Variants in ATG7 observed in about 807,000 individuals in gnomAD.
ATG7 encodes ubiquitin-like modifier-activating enzyme ATG7.
Under a neutral mutation model 82.4 loss-of-function variants are expected in ATG7, and 70 were observed. That is an observed-to-expected ratio of 0.85 (90% CI 0.70 to 1.04). ATG7 has a LOEUF of 1.04. Among genes scored for constraint, ATG7 ranks in the 50% least tolerant of loss-of-function variants. The pLI is 0.00. For synonymous variants in ATG7, 287 were observed against 313.0 expected (o/e 0.92, Z 0.88); for missense variants, 792 against 864.3 (o/e 0.92, Z 1.05).
At chr3:11,493,712 C>T (rs529581809) in intron 20 of ATG7, among the ~76,000 whole-genome samples, 21 of 152,028 alleles carry the variant, frequency 1.4e-4, no homozygotes, top group Non-Finnish European at 2.6e-4. Context: ...TACTTAGATA[C>T]AAAAAACAAA....
chr3:11,298,781 A>AGT lies in ATG7; in HGVS notation c.87_88dup (p.Leu30CysfsTer2), dbSNP rs1234365911. ...GCCTTGGATGTTGGGTTTTGGCATG[A>AGT]GTTGACCCAGAAGAAGCTGAACGAG... On this transcript the variant is annotated frameshift_variant, in exon 4 of 21. Transcript: ENST00000693202. LOFTEE classifies it high-confidence loss of function. 2.5e-6 allele frequency: 4 copies of AGT among 1,614,052 alleles called. No homozygotes were observed. Among genetic ancestry groups the AGT allele is most frequent in the Non-Finnish European group, 2.5e-6 (3 of 1,180,032 alleles).
rs574907850 is a variant in ATG7, at chr3:11,411,255, G to C, written c.1957-15549G>C. 3.3e-5 allele frequency among the ~76,000 whole-genome samples: 5 copies of C among 152,212 alleles called. No homozygotes were observed. In the East Asian group the frequency reaches 9.6e-4, roughly 29 times the overall value. Reference sequence around the variant, plus strand: ...TTTGTATATCTTTAGAGAAATGTCTGTTCACATCATCTGCCCATTTTTAAA... The same window carrying C: ...TTTGTATATCTTTAGAGAAATGTCTCTTCACATCATCTGCCCATTTTTAAA... On this transcript the variant is annotated intron_variant, in intron 19 of 20. Coordinates refer to ENST00000693202, the MANE Select transcript of ATG7 (RefSeq NM_001349232.2).
At chr3:11,537,593 A>C (rs1575238879) in intron 20 of ATG7, among the ~76,000 whole-genome samples, 3 of 152,316 alleles carry the variant, frequency 2.0e-5, no homozygotes, top group Middle Eastern at 6.8e-3. Flanking sequence ...GGTCACAATG[A>C]GAGTGATTAT....
At chr3:11,365,196 G>A (rs541638769) in intron 18 of ATG7, among the ~76,000 whole-genome samples, 3 of 152,318 alleles carry the variant, frequency 2.0e-5, no homozygotes, top group African/African-American at 7.2e-5. Flanking sequence ...CTCAGCAACA[G>A]TGTATATCAT....
chr3:11,471,656 T>A (rs1019468905), intron 20 of ATG7, among the ~76,000 whole-genome samples: 1 of 150,282 alleles, frequency 6.7e-6, no homozygotes, highest in African/African-American at 2.4e-5. Context: ...GAAATGCAGG[T>A]GGCTCCCCAG....
chr3:11,404,614 G>A (rs1271400851), intron 19 of ATG7, among the ~76,000 whole-genome samples: 1 of 152,006 alleles, frequency 6.6e-6, no homozygotes, highest in African/African-American at 2.4e-5. Flanking sequence ...CCTGTGCCAT[G>A]TTGTATTAGT....
chr3:11,426,652 A>G (rs931927640), intron 19 of ATG7, 152 bp from the exon 20 acceptor site: 1 of 573,758 alleles, frequency 1.7e-6, no homozygotes, highest in African/African-American at 1.9e-5. Flanking sequence ...ACTAAGCCGT[A>G]CTAGTTTTTT....
the ATG7 span, among the ~76,000 whole-genome samples, chr3:11,576,089 C>T: frequency 3.9e-5 from 6 of 152,320 alleles, no homozygotes; most frequent in African/African-American, 1.2e-4. Context: ...GTTTGAGAAA[C>T]AGGTCATGGC....
chr3:11,276,583 C>G (rs763748451), intron 1 of ATG7, among the ~76,000 whole-genome samples: 3 of 152,212 alleles, frequency 2.0e-5, no homozygotes, highest in Non-Finnish European at 4.4e-5. Flanking sequence ...CCACCACTCC[C>G]CAAAGTCATC....
intron 14 of ATG7, among the ~76,000 whole-genome samples, chr3:11,358,155 G>T (rs1278487892): frequency 2.0e-5 from 3 of 152,152 alleles, no homozygotes; most frequent in African/African-American, 7.2e-5. Context: ...GGTAGGATGT[G>T]CCCCCTCCAC....
chr3:11,503,281 C>A (rs1268133036), intron 20 of ATG7, among the ~76,000 whole-genome samples: 2 of 151,870 alleles, frequency 1.3e-5, no homozygotes, highest in African/African-American at 4.8e-5. Flanking sequence ...AGATGTCTAA[C>A]TCAAAAAAGA....
At chr3:11,477,698 G>A (rs2088417554) in intron 20 of ATG7, among the ~76,000 whole-genome samples, 1 of 152,158 alleles carries the variant, frequency 6.6e-6, no homozygotes, top group Admixed American at 6.5e-5. Context: ...TTTTGCTTAT[G>A]TAGTTGGAAT....
rs900531466 is a variant in ATG7 at position 11,280,598 on chromosome 3, G to A, written c.-365-396G>A. 3.9e-5 allele frequency among the ~76,000 whole-genome samples: 6 copies of A among 152,082 alleles called. No homozygotes were observed. The East Asian group carries it at 9.6e-4, about 24-fold the overall frequency. On this transcript the variant is annotated intron_variant, in intron 1 of 20. Coordinates refer to ENST00000693202, the MANE Select transcript of ATG7 (RefSeq NM_001349232.2). ...TGAAATTTCAAATCTTGTTAAAATA[G>A]GCCTGCCATTCCAGATGGTTGGAAT...
intron 7 of ATG7, among the ~76,000 whole-genome samples, chr3:11,309,784 A>G (rs772505590): frequency 7.9e-5 from 12 of 152,198 alleles, no homozygotes; most frequent in Non-Finnish European, 1.6e-4. Flanking sequence ...ACTAATTTAT[A>G]TCCTTTATTA....
intron 18 of ATG7, among the ~76,000 whole-genome samples, chr3:11,366,951 G>A (rs1417990435): frequency 2.0e-5 from 3 of 147,162 alleles, no homozygotes; most frequent in Non-Finnish European, 3.0e-5. Flanking sequence ...GAAGAATAAC[G>A]CAGCCATATA....
At chr3:11,478,388 C>T (rs186351411) in intron 20 of ATG7, among the ~76,000 whole-genome samples, 37 of 152,196 alleles carry the variant, frequency 2.4e-4, no homozygotes, top group Non-Finnish European at 4.1e-4. Flanking sequence ...GAACCAAACA[C>T]CCATTAATGG....
At chr3:11,429,821 GC>G (rs2082704629) in intron 20 of ATG7, among the ~76,000 whole-genome samples, 1 of 151,712 alleles carries the variant, frequency 6.6e-6, no homozygotes, top group Admixed American at 6.6e-5. Context: ...GGCAATGTGC[GC>G]CTGTAGTCCC....
At chr3:11,401,333 A>G (rs867239561) in intron 19 of ATG7, among the ~76,000 whole-genome samples, 6 of 152,214 alleles carry the variant, frequency 3.9e-5, no homozygotes, top group African/African-American at 1.2e-4. Flanking sequence ...ATTTTCTTCA[A>G]TGTTGACATC....
intron 20 of ATG7, among the ~76,000 whole-genome samples, chr3:11,537,464 A>G (rs910699857): frequency 5.9e-5 from 9 of 152,150 alleles, no homozygotes; most frequent in Non-Finnish European, 2.9e-5. Flanking sequence ...ATCATAGCAC[A>G]TGGGGTACTG....
Sources: allele counts gnomAD v4.1 joint callset (sites outside exome capture counted in the v4.1 genomes callset), GRCh38; gene constraint gnomAD v4.1.1; transcripts MANE v1.5; gene names NCBI Gene and HGNC (gene_info 2026-07-23, HGNC 2026-07-21).